ADGRL3: variants seen among roughly 807,000 people sequenced by gnomAD.
The protein encoded by ADGRL3 is calcium-independent alpha-latrotoxin receptor 3.
ADGRL3 carries 62 observed loss-of-function variants against 153.5 expected under a neutral mutation model. That is an observed-to-expected ratio of 0.40 (90% CI 0.33 to 0.50). The LOEUF (loss-of-function observed/expected upper bound fraction) is 0.50. Among genes scored for constraint, ADGRL3 ranks in the 20% least tolerant of loss-of-function variants. ADGRL3 has a pLI of 0.47. For synonymous variants in ADGRL3, 710 were observed against 672.5 expected (o/e 1.06, Z -0.86); for missense variants, 1,641 against 1,859.4 (o/e 0.88, Z 2.16).
At chr4:61,212,400 A>G (rs1441652914) in intron 1 of ADGRL3, among the ~76,000 whole-genome samples, 1 of 152,158 alleles carries the variant, frequency 6.6e-6, no homozygotes, top group Non-Finnish European at 1.5e-5. Flanking sequence ...AAACTATATC[A>G]AGTAAGATAT....
intron 1 of ADGRL3, among the ~76,000 whole-genome samples, chr4:61,332,858 T>C (rs2095601293): frequency 6.6e-6 from 1 of 152,086 alleles, no homozygotes; most frequent in African/African-American, 2.4e-5. Context: ...GTTAAGGAAT[T>C]TGCTGTCTTT....
intron 13 of ADGRL3, among the ~76,000 whole-genome samples, chr4:61,925,595 A>C (rs2150034413): frequency 6.6e-6 from 1 of 152,242 alleles, no homozygotes; most frequent in East Asian, 1.9e-4. Flanking sequence ...AAGAAGGCAA[A>C]GCAGGAGCCG....
intron 5 of ADGRL3, among the ~76,000 whole-genome samples, chr4:61,632,112 T>G (rs2150036899): frequency 6.6e-6 from 1 of 152,342 alleles, no homozygotes; most frequent in South Asian, 2.1e-4. Context: ...TTGCTATTAA[T>G]TTTGATCATT....
chr4:61,848,446 A>T (rs1012478193), intron 9 of ADGRL3, among the ~76,000 whole-genome samples: 1 of 151,758 alleles, frequency 6.6e-6, no homozygotes, highest in Non-Finnish European at 1.5e-5. Flanking sequence ...TTTCCTCTGT[A>T]TGTCTGTCTC....
chr4:61,825,398 G>A (rs1290375609), intron 9 of ADGRL3, among the ~76,000 whole-genome samples: 1 of 152,092 alleles, frequency 6.6e-6, no homozygotes, highest in Non-Finnish European at 1.5e-5. Context: ...TAATTTAGCA[G>A]CAATACTCTA....
chr4:61,616,776 T>A (rs2092050378), intron 5 of ADGRL3, among the ~76,000 whole-genome samples: 2 of 152,180 alleles, frequency 1.3e-5, no homozygotes, highest in African/African-American at 4.8e-5. Flanking sequence ...AAATATATAA[T>A]CTCTTACTTT....
chr4:62,046,635 A>T (rs575765352), intron 25 of ADGRL3, among the ~76,000 whole-genome samples: 2 of 152,004 alleles, frequency 1.3e-5, no homozygotes, highest in Non-Finnish European at 2.9e-5. Flanking sequence ...AATTAATTTA[A>T]TGATGACTTT....
At chr4:61,659,927 A>G (rs1403544054) in intron 5 of ADGRL3, among the ~76,000 whole-genome samples, 1 of 149,406 alleles carries the variant, frequency 6.7e-6, no homozygotes, top group East Asian at 2.0e-4. Flanking sequence ...GCTGTAGTGA[A>G]GCTGGTTAAG....
chr4:62,049,808 A>G (rs544346971), intron 25 of ADGRL3, among the ~76,000 whole-genome samples: 2 of 152,280 alleles, frequency 1.3e-5, no homozygotes, highest in East Asian at 1.9e-4. Context: ...GTTTTAATCC[A>G]GAGACCTCTG....
chr4:61,834,884 A>G (rs928208259), intron 9 of ADGRL3, among the ~76,000 whole-genome samples: 2 of 152,140 alleles, frequency 1.3e-5, no homozygotes, highest in African/African-American at 4.8e-5. Flanking sequence ...CAATCAGCGC[A>G]TTTTGTAATC....
At chr4:61,497,037 T>G in intron 2 of ADGRL3, 84 bp from the exon 3 acceptor site, 1 of 414,576 alleles carries the variant, frequency 2.4e-6, no homozygotes, top group Non-Finnish European at 4.2e-6. Context: ...ATTAACATGA[T>G]GGCAATATAT....
At chr4:61,574,263 CT>C (rs2098853547) in intron 4 of ADGRL3, among the ~76,000 whole-genome samples, 1 of 151,776 alleles carries the variant, frequency 6.6e-6, no homozygotes, top group African/African-American at 2.4e-5. Context: ...TGTGTGTGTG[CT>C]TTTTTAACAT....
At chr4:61,770,042 T>A (rs1485315244) in intron 8 of ADGRL3, among the ~76,000 whole-genome samples, 2 of 152,204 alleles carry the variant, frequency 1.3e-5, no homozygotes, top group African/African-American at 4.8e-5. Context: ...AACCTAAATA[T>A]ACATAGCCAT....
At chr4:61,495,086 A>G (rs1560728429) in intron 2 of ADGRL3, among the ~76,000 whole-genome samples, 1 of 152,160 alleles carries the variant, frequency 6.6e-6, no homozygotes, top group Non-Finnish European at 1.5e-5. Flanking sequence ...AAAAATGGAG[A>G]TGCTATAGTT....
chr4:61,892,163 G>A (rs1039523899), intron 9 of ADGRL3, among the ~76,000 whole-genome samples: 34 of 142,670 alleles, frequency 2.4e-4, no homozygotes, highest in Admixed American at 8.2e-4. Context: ...TAGCTTGTCA[G>A]CAGTTTAATT....
intron 24 of ADGRL3, among the ~76,000 whole-genome samples, chr4:62,043,401 G>A (rs1421508632): frequency 1.3e-5 from 2 of 151,962 alleles, no homozygotes; most frequent in African/African-American, 2.4e-5. Context: ...TTAGTTTTCT[G>A]TCTATGTCTG....
At chr4:62,009,067 C>A (rs563251664) in intron 21 of ADGRL3, among the ~76,000 whole-genome samples, 6 of 152,210 alleles carry the variant, frequency 3.9e-5, no homozygotes, top group African/African-American at 1.4e-4. Context: ...TGTAAGAACA[C>A]TCTATAATCA....
intron 8 of ADGRL3, among the ~76,000 whole-genome samples, chr4:61,792,449 A>G (rs1001686564): frequency 6.6e-6 from 1 of 151,120 alleles, no homozygotes; most frequent in Non-Finnish European, 1.5e-5. Flanking sequence ...GTATCTAGGA[A>G]GTTCCAAACT....
chr4:61,841,765 G>C (rs911891349), intron 9 of ADGRL3, among the ~76,000 whole-genome samples: 1 of 152,012 alleles, frequency 6.6e-6, no homozygotes, highest in African/African-American at 2.4e-5. Flanking sequence ...ATACTAAATC[G>C]TCTGTACTTG....
Sources: gnomAD v4.1 joint callset for allele counts (sites outside exome capture counted in the v4.1 genomes callset) on GRCh38, gnomAD v4.1.1 for gene constraint, MANE v1.5 for transcripts, NCBI Gene and HGNC (gene_info 2026-07-23, HGNC 2026-07-21) for gene names.